Variants in NR4A3 observed in about 807,000 individuals in gnomAD.
The protein encoded by NR4A3 is nuclear receptor subfamily 4 group A member 3.
Under a neutral mutation model 55.6 loss-of-function variants are expected in NR4A3, and 13 were observed. The ratio of observed to expected loss-of-function variants is 0.23; its 90% CI spans 0.15 to 0.37. NR4A3 has a LOEUF of 0.37. Among genes scored for constraint, NR4A3 ranks in the 10% least tolerant of loss-of-function variants. The pLI is 1.00. For missense variants in NR4A3, 646 were observed against 822.8 expected (o/e 0.79, Z 2.63); for synonymous variants, 342 against 357.9 (o/e 0.96, Z 0.50).
Position 99,863,691 on chromosome 9 carries a change from C to G in NR4A3, c.1705C>G (p.His569Asp). 2 of 1,613,992 alleles carry G rather than the reference C, an allele frequency of 1.2e-6. No individual in the cohort carries two copies. Among genetic ancestry groups the G allele is most frequent in the Non-Finnish European group, 1.7e-6 (2 of 1,179,970 alleles). ...CNKITSSLKD[H>D]QSKGQALEPT... The stretch of plus-strand genomic sequence containing the variant: ...CAAGATCACAAGCAGTTTAAAAGAC[C>G]ACCAGAGTAAGGGACAGGCTCTGGA... Residue 569 changes from histidine to aspartate, a missense_variant, in exon 8 of 8, where the codon CAC (histidine) becomes GAC (aspartate). His to Asp is a moderately conservative substitution (Grantham distance 81, BLOSUM62 -1). This residue lies in a region of NR4A3 where 163 missense variants were observed against 233.0 expected (regional missense o/e 0.70). Transcript: ENST00000395097.
chr9:99,823,736 C>T (rs1827229779), intron 1 of NR4A3, among the ~76,000 whole-genome samples: 2 of 152,050 alleles, frequency 1.3e-5, no homozygotes, highest in Non-Finnish European at 2.9e-5. Flanking sequence ...CCGCTCCGCC[C>T]CCCACCCCCC....
intron 7 of NR4A3, among the ~76,000 whole-genome samples, chr9:99,861,595 C>A (rs1301836972): frequency 6.6e-6 from 1 of 152,142 alleles, no homozygotes; most frequent in Non-Finnish European, 1.5e-5. Flanking sequence ...TGAAGTTCAA[C>A]CGTCTCCTTT....
At chr9:99,833,231 G>A (rs373569090) in intron 4 of NR4A3, 51 bp from the exon 5 acceptor site, 323 of 1,534,464 alleles carry the variant, frequency 2.1e-4, no homozygotes, top group Non-Finnish European at 2.5e-4. Context: ...ATTTATGGTC[G>A]TTCATTCCAT....
intron 5 of NR4A3, among the ~76,000 whole-genome samples, chr9:99,841,317 C>T (rs897651840): frequency 3.3e-5 from 5 of 151,712 alleles, no homozygotes; most frequent in South Asian, 2.1e-4. Context: ...GGACTTTGCT[C>T]CCATGGTCTA....
intron 3 of NR4A3, among the ~76,000 whole-genome samples, 153 bp from the exon 4 acceptor site, chr9:99,832,536 G>C (rs895300064): frequency 6.6e-6 from 1 of 152,176 alleles, no homozygotes. Flanking sequence ...TAATAAAATT[G>C]TTTTTCCTGC....
At position 99,828,160 on chromosome 9, in the gene NR4A3, A is replaced by G. The variant is rs757865409; in HGVS notation, c.118A>G (p.Met40Val). The G allele has an allele frequency of 1.9e-6, 3 of 1,613,976 alleles. No homozygotes were observed. Among genetic ancestry groups the G allele is most frequent in the Admixed American group, 1.7e-5 (1 of 59,994 alleles). ...IMNPDYTKLT[M>V]DLGSTEITAT... Reference sequence around the variant, plus strand: ...GAACCCCGACTACACCAAGCTGACCATGGACCTTGGCAGCACTGAGATCAC... The same window carrying G: ...GAACCCCGACTACACCAAGCTGACCGTGGACCTTGGCAGCACTGAGATCAC... The change falls in exon 3 of 8, where the codon ATG becomes GTG. Residue 40 changes from methionine to valine, a missense_variant. This residue lies in a region of NR4A3 where 426 missense variants were observed against 429.4 expected (regional missense o/e 0.99). Coordinates refer to ENST00000395097, the MANE Select transcript of NR4A3 (RefSeq NM_006981.4). The surrounding 1 kb of genome is among the most constrained non-coding windows in gnomAD (Gnocchi z 7.7).
intron 5 of NR4A3, among the ~76,000 whole-genome samples, chr9:99,843,101 G>A (rs1416269152): frequency 6.6e-6 from 1 of 152,188 alleles, no homozygotes; most frequent in Non-Finnish European, 1.5e-5. Flanking sequence ...TTACTCCGGT[G>A]ATTCAAGAAA....
intron 5 of NR4A3, among the ~76,000 whole-genome samples, chr9:99,837,109 G>A (rs113213468): frequency 1.4e-4 from 21 of 151,796 alleles, no homozygotes; most frequent in Non-Finnish European, 2.6e-4. Context: ...ATCCCTTGTC[G>A]GATGGATAGT....
intron 7 of NR4A3, among the ~76,000 whole-genome samples, chr9:99,847,918 G>A (rs1827784704): frequency 6.6e-6 from 1 of 152,198 alleles, no homozygotes; most frequent in African/African-American, 2.4e-5. Context: ...GGGTTTGTTT[G>A]TTTTGAGACA....
At chr9:99,856,756 G>C (rs1376986978) in intron 7 of NR4A3, among the ~76,000 whole-genome samples, 1 of 152,198 alleles carries the variant, frequency 6.6e-6, no homozygotes, top group Non-Finnish European at 1.5e-5. Flanking sequence ...TGGGCATCTT[G>C]TTGCATTGCA....
At chr9:99,831,352 G>C (rs1264882557) in intron 3 of NR4A3, among the ~76,000 whole-genome samples, 1 of 152,212 alleles carries the variant, frequency 6.6e-6, no homozygotes, top group Non-Finnish European at 1.5e-5. Context: ...AACCTCAGAA[G>C]TATGCCTGTG....
At chr9:99,841,978 A>T (rs1024816992) in intron 5 of NR4A3, among the ~76,000 whole-genome samples, 7 of 151,994 alleles carry the variant, frequency 4.6e-5, no homozygotes, top group South Asian at 2.1e-4. Context: ...TCAAAAAAAA[A>T]TTTTTTTTGA....
chr9:99,851,499 AAG>A (rs377489065), intron 7 of NR4A3, among the ~76,000 whole-genome samples: 19 of 152,226 alleles, frequency 1.2e-4, no homozygotes, highest in Admixed American at 5.2e-4. Flanking sequence ...GAAAAGTATT[AAG>A]AATCTGGATT....
intron 5 of NR4A3, among the ~76,000 whole-genome samples, chr9:99,839,561 A>G (rs927447859): frequency 6.6e-5 from 10 of 152,196 alleles, no homozygotes; most frequent in Admixed American, 3.3e-4. Context: ...TTACTGCCAT[A>G]TGAAACACAC....
chr9:99,865,845 AG>A lies in NR4A3; in HGVS notation c.*1979del, dbSNP rs772997607. 8.9e-5 allele frequency: 19 copies of A among 212,714 alleles called. No individual in the cohort carries two copies. The highest frequency in any genetic ancestry group is 1.5e-4 in the Non-Finnish European group (16 of 104,770). 13.2% of individuals were successfully genotyped at this position (212,714 alleles called of 1,614,324 possible). On this transcript the variant is annotated 3_prime_UTR_variant, in exon 8 of 8. Coordinates refer to ENST00000395097, the MANE Select transcript of NR4A3 (RefSeq NM_006981.4). This position sits in a 1 kb window ranked among gnomAD's most constrained non-coding sequence, Gnocchi z 4.3. ...TGTTATTTTTATATATCAAGATGAT[AG>A]AACCTGGAATGTTAGGATTTTGAAA...
At chr9:99,844,954 T>C in intron 6 of NR4A3, 106 bp downstream of exon 6, 2 of 888,104 alleles carry the variant, frequency 2.3e-6, no homozygotes, top group Non-Finnish European at 3.6e-6. Flanking sequence ...GAAGCAAATG[T>C]GAAATATGAT....
At chr9:99,839,717 T>G (rs966211800) in intron 5 of NR4A3, among the ~76,000 whole-genome samples, 5 of 152,242 alleles carry the variant, frequency 3.3e-5, no homozygotes, top group Non-Finnish European at 5.9e-5. Flanking sequence ...GCCAGAGTTC[T>G]GACAGATCAA....
intron 7 of NR4A3, among the ~76,000 whole-genome samples, chr9:99,848,275 C>T (rs180866883): frequency 3.3e-5 from 5 of 152,270 alleles, no homozygotes; most frequent in African/African-American, 4.8e-5. Flanking sequence ...TTAATAACTT[C>T]GATTGGCAAA....
At chr9:99,838,935 T>C (rs1827604473) in intron 5 of NR4A3, among the ~76,000 whole-genome samples, 1 of 152,238 alleles carries the variant, frequency 6.6e-6, no homozygotes, top group Non-Finnish European at 1.5e-5. Flanking sequence ...GGATGAGCAA[T>C]AGAGATATAA....
Sources: gnomAD v4.1 joint callset for allele counts (sites outside exome capture counted in the v4.1 genomes callset) on GRCh38, gnomAD v4.1.1 for gene constraint, gnomAD v4.1.1 regional missense constraint, Gnocchi (gnomAD v3.1) non-coding constraint, MANE v1.5 for transcripts, NCBI Gene and HGNC (gene_info 2026-07-23, HGNC 2026-07-21) for gene names.